RAD51B: variants seen among roughly 807,000 people sequenced by gnomAD.
The protein encoded by RAD51B is DNA repair protein RAD51 homolog 2.
In RAD51B, 38 loss-of-function variants were observed where a neutral mutation model predicts 42.2. That is an observed-to-expected ratio of 0.90 (90% CI 0.70 to 1.18). The LOEUF is 1.18. Among genes scored for constraint, RAD51B ranks in the 50% most tolerant of loss-of-function variants. The probability of loss-of-function intolerance (pLI) is 0.00; values close to 1 mark genes in which losing one functional copy is unlikely to be tolerated. For synonymous variants in RAD51B, 154 were observed against 145.2 expected, an observed-to-expected ratio of 1.06 and a Z score of -0.43; for missense variants, 373 against 400.7, an observed-to-expected ratio of 0.93 and a Z score of 0.59.
At chr14:68,330,795 G>A (rs921612343) in intron 8 of RAD51B, among the ~76,000 whole-genome samples, 2 of 152,132 alleles carry the variant, frequency 1.3e-5, no homozygotes, top group African/African-American at 4.8e-5. Flanking sequence ...TTCACAGTTA[G>A]TTTCTTCATT....
intron 7 of RAD51B, among the ~76,000 whole-genome samples, chr14:68,102,906 G>C (rs889997417): frequency 2.6e-5 from 4 of 152,288 alleles, no homozygotes; most frequent in Admixed American, 6.5e-5. Context: ...ACAGGGCTGT[G>C]GAGGCCTCAG....
chr14:67,934,967 A>G (rs2044883173), intron 7 of RAD51B, among the ~76,000 whole-genome samples: 1 of 152,248 alleles, frequency 6.6e-6, no homozygotes, highest in African/African-American at 2.4e-5. Flanking sequence ...CTCCTCTGCT[A>G]TATAGCACAC....
intron 9 of RAD51B, among the ~76,000 whole-genome samples, chr14:68,425,981 TTCCTTC>T (rs2084832070): frequency 2.3e-5 from 3 of 129,954 alleles, no homozygotes; most frequent in South Asian, 2.5e-4. Flanking sequence ...TCTTTCTTCC[TTCCTTC>T]CTTCCTTCCT....
intron 8 of RAD51B, among the ~76,000 whole-genome samples, chr14:68,349,483 C>T (rs1213642904): frequency 6.6e-6 from 1 of 152,186 alleles, no homozygotes; most frequent in Non-Finnish European, 1.5e-5. Context: ...TCTTCTGCCT[C>T]ACCCTCTCTA....
At chr14:68,350,863 T>C (rs1388264005) in intron 8 of RAD51B, among the ~76,000 whole-genome samples, 1 of 152,204 alleles carries the variant, frequency 6.6e-6, no homozygotes, top group Non-Finnish European at 1.5e-5. Context: ...TTGACTTCTT[T>C]TGTGAACCAG....
intron 10 of RAD51B, among the ~76,000 whole-genome samples, chr14:68,605,010 C>T (rs4362328): frequency 0.38 from 57,807 of 152,162 alleles, 12,158 homozygotes; most frequent in South Asian, 0.54. Flanking sequence ...GCTCCTCAGA[C>T]GCCCACCGGT....
chr14:68,544,591 A>G (rs1340133848), intron 10 of RAD51B, among the ~76,000 whole-genome samples: 4 of 152,196 alleles, frequency 2.6e-5, no homozygotes, highest in Non-Finnish European at 5.9e-5. Flanking sequence ...AATGGCCCCT[A>G]AAGAGATAGG....
intron 7 of RAD51B, among the ~76,000 whole-genome samples, chr14:68,154,879 T>C (rs1360701332): frequency 6.6e-6 from 1 of 152,196 alleles, no homozygotes; most frequent in Non-Finnish European, 1.5e-5. Context: ...TTTTCATTGG[T>C]AGTTCTAGAA....
At chr14:67,968,068 G>A (rs1375777887) in intron 7 of RAD51B, among the ~76,000 whole-genome samples, 1 of 152,198 alleles carries the variant, frequency 6.6e-6, no homozygotes, top group African/African-American at 2.4e-5. Context: ...CCACATCGAA[G>A]CTACCAAGGT....
At chr14:68,664,481 G>A (rs774102419) in intron 11 of RAD51B, among the ~76,000 whole-genome samples, 8 of 152,072 alleles carry the variant, frequency 5.3e-5, no homozygotes, top group Non-Finnish European at 1.0e-4. Flanking sequence ...CTGGTCAGTC[G>A]CATTTCACCC....
intron 7 of RAD51B, among the ~76,000 whole-genome samples, chr14:68,171,601 A>C (rs888156990): frequency 2.6e-5 from 4 of 151,946 alleles, no homozygotes; most frequent in African/African-American, 9.7e-5. Context: ...CACCCAGCCT[A>C]CAGTGTCTTT....
chr14:67,923,777 C>G (rs2044411880), intron 7 of RAD51B, among the ~76,000 whole-genome samples: 1 of 152,156 alleles, frequency 6.6e-6, no homozygotes, highest in African/African-American at 2.4e-5. Context: ...GGTAGATCTA[C>G]TTTTAGTTCT....
At chr14:67,843,143 CTT>C (rs1566919093) in intron 4 of RAD51B, among the ~76,000 whole-genome samples, 1 of 143,064 alleles carries the variant, frequency 7.0e-6, no homozygotes, top group Non-Finnish European at 1.5e-5. Context: ...TTTTTTTTTT[CTT>C]TTTTTAAAAT....
chr14:68,642,132 G>A (rs1275469584), intron 10 of RAD51B, among the ~76,000 whole-genome samples: 1 of 152,138 alleles, frequency 6.6e-6, no homozygotes, highest in African/African-American at 2.4e-5. Context: ...TGAGTTAGGA[G>A]GTATGCCCTC....
chr14:68,253,544 T>C (rs1008632571), intron 7 of RAD51B, among the ~76,000 whole-genome samples: 6 of 152,268 alleles, frequency 3.9e-5, no homozygotes, highest in African/African-American at 4.8e-5. Flanking sequence ...GAATCATTTA[T>C]ATGCAAAAGT....
At chr14:68,141,703 A>G (rs1389453506) in intron 7 of RAD51B, among the ~76,000 whole-genome samples, 2 of 152,220 alleles carry the variant, frequency 1.3e-5, no homozygotes, top group African/African-American at 2.4e-5. Flanking sequence ...TCGACACAAC[A>G]ATGATGATGT....
chr14:68,220,274 A>G (rs2079898035), intron 7 of RAD51B, among the ~76,000 whole-genome samples: 1 of 152,242 alleles, frequency 6.6e-6, no homozygotes, highest in Non-Finnish European at 1.5e-5. Context: ...GGGATAATTG[A>G]GGATTAAGTG....
chr14:68,482,199 A>G (rs78575194), downstream of RAD51B, among the ~76,000 whole-genome samples: 96 of 78,240 alleles, frequency 1.2e-3, no homozygotes, highest in African/African-American at 5.3e-3. Flanking sequence ...GTGTGTGTGT[A>G]TGTGTGTGTG....
At chr14:68,649,011 C>G (rs2140137093) in intron 10 of RAD51B, among the ~76,000 whole-genome samples, 1 of 152,224 alleles carries the variant, frequency 6.6e-6, no homozygotes, top group South Asian at 2.1e-4. Context: ...AGAGGCAACC[C>G]TCGCATGTCA....
Sources: gnomAD v4.1 joint callset for allele counts (sites outside exome capture counted in the v4.1 genomes callset) on GRCh38, gnomAD v4.1.1 for gene constraint, MANE v1.5 for transcripts, NCBI Gene and HGNC (gene_info 2026-07-23, HGNC 2026-07-21) for gene names.